FANK1: variants seen among roughly 807,000 people sequenced by gnomAD.
FANK1 encodes fibronectin type III and ankyrin repeat domains 1, also known as fibronectin type 3 and ankyrin repeat domains protein 1.
FANK1 carries 44 observed loss-of-function variants against 45.3 expected under a neutral mutation model. The ratio of observed to expected loss-of-function variants is 0.97; its 90% CI spans 0.76 to 1.25. The LOEUF (loss-of-function observed/expected upper bound fraction) is 1.25, where lower values mean the gene tolerates loss of function less well. FANK1 is among the 50% of genes most tolerant of loss of function. The pLI is 0.00. For synonymous variants in FANK1, 149 were observed against 152.5 expected, an observed-to-expected ratio of 0.98 and a Z score of 0.17; for missense variants, 391 against 424.4, an observed-to-expected ratio of 0.92 and a Z score of 0.69.
intron 6 of FANK1, among the ~76,000 whole-genome samples, chr10:126,003,643 A>G (rs1157552024): frequency 6.6e-6 from 1 of 151,716 alleles, no homozygotes; most frequent in Non-Finnish European, 1.5e-5. Flanking sequence ...TGCCATGTGA[A>G]TATTCCATTC....
chr10:125,900,867 C>T (rs553357783), intron 1 of FANK1, among the ~76,000 whole-genome samples: 2 of 152,254 alleles, frequency 1.3e-5, no homozygotes, highest in Admixed American at 6.5e-5. Flanking sequence ...TCAGGCTGGT[C>T]TCGAACTCCT....
At chr10:125,982,820 C>A (rs957129483) in intron 2 of FANK1, among the ~76,000 whole-genome samples, 1 of 152,118 alleles carries the variant, frequency 6.6e-6, no homozygotes, top group Non-Finnish European at 1.5e-5. Flanking sequence ...TTTTCCCCTG[C>A]AGGATGTAGG....
chr10:125,963,552 A>G (rs1268438225), intron 1 of FANK1, among the ~76,000 whole-genome samples: 3 of 152,272 alleles, frequency 2.0e-5, no homozygotes. Context: ...ACCATGGAAT[A>G]CTATGCAGCC....
At chr10:126,008,623 A>G (rs1008440336) in intron 8 of FANK1, 73 bp downstream of exon 8, 18 of 1,526,786 alleles carry the variant, frequency 1.2e-5, no homozygotes, top group Non-Finnish European at 1.5e-5. Flanking sequence ...TAATTAGACA[A>G]TTCTTGTGAG....
At position 125,987,203 on chromosome 10, in the gene FANK1, G is replaced by A. The variant is rs556229928; in HGVS notation, c.192-1348G>A. Among the ~76,000 whole-genome samples, 55 of 152,226 alleles carry A rather than the reference G, an allele frequency of 3.6e-4. No individual in the cohort carries two copies. The South Asian group carries it at 3.9e-3, about 11-fold the overall frequency. On this transcript the variant is annotated intron_variant, in intron 2 of 10. Coordinates refer to ENST00000368693, the MANE Select transcript of FANK1 (RefSeq NM_145235.5). ...GACAGGTTCATTTTGGCCCTGAGCT[G>A]GTTCAGGACTACATCCCAGCCTGTC...
chr10:125,970,687 G>T (rs1053061277), intron 1 of FANK1, among the ~76,000 whole-genome samples: 6 of 152,192 alleles, frequency 3.9e-5, no homozygotes, highest in Non-Finnish European at 8.8e-5. Context: ...GACAGCGCGC[G>T]CCTGCAATCC....
intron 1 of FANK1, among the ~76,000 whole-genome samples, chr10:125,924,276 A>C (rs1220041202): frequency 1.1e-5 from 1 of 89,462 alleles, no homozygotes; most frequent in Admixed American, 1.2e-4. Context: ...TTTGAGATGT[A>C]GTCTCGCTCG....
chr10:125,954,395 G>T (rs970465319), intron 1 of FANK1, among the ~76,000 whole-genome samples: 3 of 152,154 alleles, frequency 2.0e-5, no homozygotes, highest in African/African-American at 7.2e-5. Flanking sequence ...ACAGATTGTA[G>T]ATCCCAAACA....
rs1564959805 is a variant in FANK1 at position 125,995,477 on chromosome 10, T to C, written c.377T>C (p.Leu126Pro). Residue 126 changes from leucine to proline, a missense_variant, in exon 4 of 11, where the codon CTG (leucine) becomes CCG (proline). Transcript: ENST00000368693. ...GTCAGTGTGAATGATGAAGATTTGC[T>C]GGTCCGAATACTTCAAGGAGGGTGA... ...RAVSVNDEDL[L>P]VRILQGGRVK... The C allele has an allele frequency of 1.9e-6, 3 of 1,614,212 alleles. No individual in the cohort carries two copies. The highest frequency in any genetic ancestry group is 2.5e-6 in the Non-Finnish European group (3 of 1,180,036).
rs1006831745 is a variant in FANK1, at chr10:125,961,084, T to C, written c.14-19077T>C. 2.0e-5 allele frequency among the ~76,000 whole-genome samples: 3 copies of C among 152,156 alleles called. No homozygotes were observed. The South Asian group carries it at 6.2e-4, about 31-fold the overall frequency. On this transcript the variant is annotated intron_variant, in intron 1 of 10. Transcript: ENST00000368693. ...ATAGACCACACAGAAAGTAATGTAT[T>C]CGTCTACAGCCAACTGCTTTTTAAA...
At chr10:125,999,856 A>AT (rs1260423935) in intron 6 of FANK1, among the ~76,000 whole-genome samples, 6 of 152,226 alleles carry the variant, frequency 3.9e-5, no homozygotes, top group Non-Finnish European at 8.8e-5. Flanking sequence ...ATTAGACAGT[A>AT]TTTTGAAGGC....
intron 7 of FANK1, among the ~76,000 whole-genome samples, chr10:126,005,630 T>A (rs1388895476): frequency 6.6e-6 from 1 of 152,106 alleles, no homozygotes; most frequent in Non-Finnish European, 1.5e-5. Flanking sequence ...TTTGTTCTTT[T>A]GTTCATTTGC....
rs369126437 is a variant in FANK1 at position 125,979,237 on chromosome 10, C to T, written c.14-924C>T. 1.8e-4 allele frequency among the ~76,000 whole-genome samples: 27 copies of T among 152,196 alleles called. No homozygotes were observed. In the South Asian group the frequency reaches 3.1e-3, roughly 18 times the overall value. Reference sequence around the variant, plus strand: ...GTTGTTTCCTTGATTAGTCCCAGTGCGAGTATCTGGCTGTTTCAGTTGAAG... The same window carrying T: ...GTTGTTTCCTTGATTAGTCCCAGTGTGAGTATCTGGCTGTTTCAGTTGAAG... On this transcript the variant is annotated intron_variant, in intron 1 of 10. Transcript: ENST00000368693.
intron 4 of FANK1, among the ~76,000 whole-genome samples, chr10:125,996,295 C>G (rs186543655): frequency 1.3e-5 from 2 of 152,110 alleles, no homozygotes; most frequent in Admixed American, 1.3e-4. Flanking sequence ...GGCTTTGAGC[C>G]GAAGCATGTA....
chr10:125,921,538 G>A (rs1348231534), intron 1 of FANK1, among the ~76,000 whole-genome samples: 1 of 152,160 alleles, frequency 6.6e-6, no homozygotes. Context: ...ATGACTAAGG[G>A]TGTAGGATTG....
intron 1 of FANK1, chr10:125,975,101 A>AT: frequency 6.6e-6 from 1 of 152,148 alleles, no homozygotes; most frequent in Non-Finnish European, 1.5e-5. Flanking sequence ...GCGGTATTTG[A>AT]TTTTGTGTTC....
chr10:125,936,806 G>A (rs1022149855), intron 1 of FANK1, among the ~76,000 whole-genome samples: 1 of 152,040 alleles, frequency 6.6e-6, no homozygotes, highest in East Asian at 1.9e-4. Context: ...GGTGGCTCAC[G>A]TCTGTAATCC....
rs1589819077 is a variant in FANK1, at chr10:125,912,924, C to T, written c.13+16269C>T. On this transcript the variant is annotated intron_variant, in intron 1 of 10. Transcript: ENST00000368693. ...TGTTGGGATTACAGGCGTAAGCCAT[C>T]GTGTCCAGCCTATTGCTTAGCTTTA... Among the ~76,000 whole-genome samples the T allele has an allele frequency of 2.0e-5, 3 of 152,364 alleles. No homozygotes were observed. The South Asian group carries it at 6.2e-4, about 32-fold the overall frequency.
chr10:125,929,452 T>C (rs1306263087), intron 1 of FANK1, among the ~76,000 whole-genome samples: 1 of 152,192 alleles, frequency 6.6e-6, no homozygotes. Context: ...CTTCTCTTAA[T>C]CAAATAAGTG....
Sources: allele counts gnomAD v4.1 joint callset (sites outside exome capture counted in the v4.1 genomes callset), GRCh38; gene constraint gnomAD v4.1.1; transcripts MANE v1.5; gene names NCBI Gene and HGNC (gene_info 2026-07-23, HGNC 2026-07-21).